Variants in PDE12 observed in about 807,000 individuals in gnomAD.
PDE12 encodes 2',5'-phosphodiesterase 12.
In PDE12, 26 loss-of-function variants were observed where a neutral mutation model predicts 45.4. That is an observed-to-expected ratio of 0.57 (90% CI 0.42 to 0.79). PDE12 has a LOEUF of 0.79. Ranked by LOEUF, PDE12 falls within the 30% of genes least tolerant of loss-of-function variation. The probability of loss-of-function intolerance (pLI) is 0.00; values close to 1 mark genes in which losing one functional copy is unlikely to be tolerated. For missense variants in PDE12, 668 were observed against 790.0 expected, an observed-to-expected ratio of 0.85 and a Z score of 1.85; for synonymous variants, 283 against 323.9, an observed-to-expected ratio of 0.87 and a Z score of 1.36.
At chr3:57,654,570 T>C in the PDE12 span, 1 of 919,444 alleles carries the variant, frequency 1.1e-6, no homozygotes, top group Non-Finnish European at 1.3e-6. Context: ...GCAAATATCA[T>C]CAAGTAAAAT....
At chr3:57,650,687 G>T in the PDE12 span, among the ~76,000 whole-genome samples, 1 of 152,030 alleles carries the variant, frequency 6.6e-6, no homozygotes, top group African/African-American at 2.4e-5. Flanking sequence ...ATACACAAAT[G>T]TGGACAGTAG....
chr3:57,559,484 G>T, intron 2 of PDE12, 78 bp from the exon 3 acceptor site: 1 of 1,554,558 alleles, frequency 6.4e-7, no homozygotes, highest in Non-Finnish European at 8.8e-7. Context: ...CCCAGAGACT[G>T]TAATTTGTGT....
the PDE12 span, among the ~76,000 whole-genome samples, chr3:57,579,235 C>T: frequency 4.2e-5 from 4 of 95,204 alleles, no homozygotes; most frequent in African/African-American, 1.9e-4. Flanking sequence ...GCCTGGGCGA[C>T]AAGAGCAAAC....
the PDE12 span, among the ~76,000 whole-genome samples, chr3:57,648,730 G>C: frequency 6.6e-6 from 1 of 152,126 alleles, no homozygotes; most frequent in South Asian, 2.1e-4. Context: ...ACAGTCAACT[G>C]ATCTTCAACA....
chr3:57,579,062 C>T, the PDE12 span, among the ~76,000 whole-genome samples: 2,536 of 151,674 alleles, frequency 0.017, 66 homozygotes, highest in African/African-American at 0.058. Flanking sequence ...TCTGGGAGGC[C>T]GAGGCAGGTG....
the PDE12 span, among the ~76,000 whole-genome samples, chr3:57,633,067 G>C: frequency 6.6e-6 from 1 of 152,116 alleles, no homozygotes; most frequent in South Asian, 2.1e-4. Flanking sequence ...TCAGAGAGAG[G>C]GAGTGACTTA....
the PDE12 span, among the ~76,000 whole-genome samples, chr3:57,633,982 C>T: frequency 9.9e-5 from 15 of 151,880 alleles, no homozygotes; most frequent in African/African-American, 3.6e-4. Flanking sequence ...GGTAACAGTC[C>T]CCTACTGTTA....
chr3:57,641,546 CCT>C, the PDE12 span: 1 of 867,898 alleles, frequency 1.2e-6, no homozygotes, highest in South Asian at 2.4e-5. Context: ...TCTCCAAAGG[CCT>C]TGAAGAAAGC....
At chr3:57,654,866 A>C in the PDE12 span, 2 of 851,052 alleles carry the variant, frequency 2.4e-6, no homozygotes, top group East Asian at 2.4e-4. Flanking sequence ...ATAAATATGT[A>C]AACTTTCATT....
At chr3:57,654,669 A>C in the PDE12 span, 1 of 985,190 alleles carries the variant, frequency 1.0e-6, no homozygotes, top group Non-Finnish European at 1.2e-6. Flanking sequence ...CAGAATGAGG[A>C]AACTATTTCT....
Position 57,560,927 on chromosome 3 carries a change from A to G in PDE12, c.*923A>G, listed in dbSNP as rs2069722309. On this transcript the variant is annotated 3_prime_UTR_variant, in exon 3 of 3. Transcript: ENST00000311180. Reference sequence around the variant, plus strand: ...TAACAAAAGATAAAAATAAATCGTCACCAATTGTTATTGCTTCTCATCTTT... The same window carrying G: ...TAACAAAAGATAAAAATAAATCGTCGCCAATTGTTATTGCTTCTCATCTTT... The G allele has an allele frequency of 1.0e-6, 1 of 983,220 alleles. No homozygotes were observed. The highest frequency in any genetic ancestry group is 1.2e-6 in the Non-Finnish European group (1 of 827,648). The allele number at this position is 983,220 out of a possible 1,614,324, so 60.9% of individuals were successfully genotyped here.
At chr3:57,576,193 G>A in the PDE12 span, among the ~76,000 whole-genome samples, 6 of 152,118 alleles carry the variant, frequency 3.9e-5, no homozygotes, top group Middle Eastern at 3.4e-3. Flanking sequence ...CAATATAGAC[G>A]AACCCTGAAA....
chr3:57,622,117 G>A, the PDE12 span, among the ~76,000 whole-genome samples: 3 of 152,090 alleles, frequency 2.0e-5, no homozygotes, highest in Non-Finnish European at 4.4e-5. Context: ...TGGAGGTTGC[G>A]GTGAGCCAAG....
the PDE12 span, among the ~76,000 whole-genome samples, chr3:57,588,662 T>C: frequency 4.7e-4 from 67 of 143,260 alleles, no homozygotes; most frequent in African/African-American, 1.6e-3. Flanking sequence ...GAGACCAGCC[T>C]GACCAACATG....
rs780416990 is a variant in PDE12 at position 57,559,519 on chromosome 3, C to A, written c.1388-43C>A. Reference sequence around the variant, plus strand: ...TAGTTTTTCTTTTTTAACTTAAAGACAACTTTAAAAAATACTTACATTAAT... The same window carrying A: ...TAGTTTTTCTTTTTTAACTTAAAGAAAACTTTAAAAAATACTTACATTAAT... On this transcript the variant is annotated intron_variant, in intron 2 of 2. Coordinates refer to ENST00000311180, the MANE Select transcript of PDE12 (RefSeq NM_177966.7). 6 of 1,565,740 alleles carry A rather than the reference C, an allele frequency of 3.8e-6. No homozygotes were observed. In the South Asian group the frequency reaches 7.1e-5, roughly 19 times the overall value.
the PDE12 span, among the ~76,000 whole-genome samples, chr3:57,624,952 T>G: frequency 1.3e-5 from 2 of 152,052 alleles, no homozygotes; most frequent in South Asian, 4.2e-4. Context: ...CAGGCGGGAG[T>G]GCAGTGGTGT....
chr3:57,627,816 C>G, the PDE12 span: 3 of 164,892 alleles, frequency 1.8e-5, no homozygotes, highest in African/African-American at 7.2e-5. Context: ...AAGAAGATAG[C>G]CAGTGTGAAT....
intron 1 of PDE12, among the ~76,000 whole-genome samples, chr3:57,558,563 T>C (rs2069691261): frequency 6.6e-6 from 1 of 152,194 alleles, no homozygotes; most frequent in South Asian, 2.1e-4. Context: ...CGATATCGGC[T>C]CACCGCAACT....
chr3:57,643,761 A>G, the PDE12 span, among the ~76,000 whole-genome samples: 2 of 149,100 alleles, frequency 1.3e-5, no homozygotes, highest in South Asian at 4.4e-4. Context: ...CAGGAGGTGA[A>G]GTTTGCAGTG....
Sources: allele counts gnomAD v4.1 joint callset (sites outside exome capture counted in the v4.1 genomes callset), GRCh38; gene constraint gnomAD v4.1.1; transcripts MANE v1.5; gene names NCBI Gene and HGNC (gene_info 2026-07-23, HGNC 2026-07-21).